The following NRG1 variants were observed in gnomAD, a reference collection of about 807,000 sequenced individuals.
NRG1 encodes the protein neuregulin 1, also known as pro-neuregulin-1, membrane-bound isoform.
NRG1 carries 18 observed loss-of-function variants against 63.8 expected under a neutral mutation model. That is an observed-to-expected ratio of 0.28 (90% CI 0.19 to 0.42). NRG1 has a LOEUF of 0.42. NRG1 is among the 10% of genes least tolerant of loss of function. The pLI is 1.00. For missense variants in NRG1, 762 were observed against 814.7 expected, an observed-to-expected ratio of 0.94 and a Z score of 0.79; for synonymous variants, 302 against 301.3, an observed-to-expected ratio of 1.00 and a Z score of -0.02.
intron 1 of NRG1, among the ~76,000 whole-genome samples, chr8:32,184,733 C>T (rs1055155385): frequency 6.6e-6 from 1 of 152,146 alleles, no homozygotes; most frequent in Non-Finnish European, 1.5e-5. Context: ...ATCATCTATA[C>T]TCTTCTGATT....
chr8:32,528,502 T>A (rs778470422), intron 1 of NRG1, among the ~76,000 whole-genome samples: 7 of 152,242 alleles, frequency 4.6e-5, no homozygotes, highest in Non-Finnish European at 2.9e-5. Context: ...CATATATGTA[T>A]AACAGAAGTT....
At chr8:31,846,045 A>G (rs548591046) in intron 1 of NRG1, among the ~76,000 whole-genome samples, 2 of 152,312 alleles carry the variant, frequency 1.3e-5, no homozygotes, top group Admixed American at 6.5e-5. Context: ...TGAAAGGGCT[A>G]TAAATGTGAG....
At chr8:31,907,562 C>A (rs1832628489) in intron 1 of NRG1, among the ~76,000 whole-genome samples, 1 of 151,984 alleles carries the variant, frequency 6.6e-6, no homozygotes, top group African/African-American at 2.4e-5. Context: ...ATGTAAAACA[C>A]AAAAAACCCT....
At chr8:31,694,117 A>G (rs995711996) in intron 1 of NRG1, among the ~76,000 whole-genome samples, 1 of 152,200 alleles carries the variant, frequency 6.6e-6, no homozygotes, top group African/African-American at 2.4e-5. Context: ...TACTGGGATT[A>G]CAGGTGTAAA....
intron 1 of NRG1, among the ~76,000 whole-genome samples, chr8:32,078,104 G>T (rs932324488): frequency 6.6e-6 from 1 of 152,164 alleles, no homozygotes; most frequent in African/African-American, 2.4e-5. Context: ...GCAAGTGATC[G>T]AGTTTAGATA....
intron 1 of NRG1, among the ~76,000 whole-genome samples, chr8:32,493,975 A>C (rs1287568162): frequency 6.6e-6 from 1 of 152,122 alleles, no homozygotes; most frequent in Admixed American, 6.6e-5. Context: ...GAAAAAGGAA[A>C]CACAAAAATG....
At chr8:32,135,160 G>A (rs1030243640) in intron 1 of NRG1, among the ~76,000 whole-genome samples, 3 of 152,166 alleles carry the variant, frequency 2.0e-5, no homozygotes, top group Non-Finnish European at 2.9e-5. Flanking sequence ...AGATGAGGGT[G>A]AAGAGAGAAC....
chr8:32,236,222 C>T (rs1479227345), intron 1 of NRG1, among the ~76,000 whole-genome samples: 2 of 151,626 alleles, frequency 1.3e-5, no homozygotes, highest in African/African-American at 4.8e-5. Context: ...AAGGTCTTGC[C>T]CCACCCTGCA....
At chr8:32,227,423 T>C (rs74584116) in intron 1 of NRG1, among the ~76,000 whole-genome samples, 1 of 152,194 alleles carries the variant, frequency 6.6e-6, no homozygotes, top group Admixed American at 6.6e-5. Context: ...ACCATGTTTT[T>C]CATGGATTAT....
intron 1 of NRG1, among the ~76,000 whole-genome samples, chr8:32,013,923 G>A (rs1815120818): frequency 6.6e-6 from 1 of 152,142 alleles, no homozygotes; most frequent in African/African-American, 2.4e-5. Context: ...AAGGAAAAAA[G>A]CTGTGTCTTC....
intron 1 of NRG1, among the ~76,000 whole-genome samples, chr8:32,451,522 C>T (rs1055827240): frequency 6.6e-6 from 1 of 152,174 alleles, no homozygotes; most frequent in Non-Finnish European, 1.5e-5. Flanking sequence ...CTGTCATGTT[C>T]TAGCCAGTCT....
chr8:32,063,374 G>T (rs976014753), intron 1 of NRG1: 5 of 152,100 alleles, frequency 3.3e-5, no homozygotes. Flanking sequence ...TTATTTGTCT[G>T]ACCAATGCTT....
intron 1 of NRG1, among the ~76,000 whole-genome samples, chr8:32,203,303 A>G (rs1843685799): frequency 6.7e-6 from 1 of 149,380 alleles, no homozygotes; most frequent in Admixed American, 6.8e-5. Context: ...GAATCTACGG[A>G]GTGTGGAAGT....
At chr8:32,297,091 G>T (rs533097151) in intron 1 of NRG1, among the ~76,000 whole-genome samples, 4 of 152,206 alleles carry the variant, frequency 2.6e-5, no homozygotes, top group African/African-American at 9.6e-5. Context: ...CTCCAGCCTG[G>T]TGACAGAATG....
chr8:32,342,956 G>T (rs1804261393), intron 1 of NRG1, among the ~76,000 whole-genome samples: 1 of 152,162 alleles, frequency 6.6e-6, no homozygotes, highest in Non-Finnish European at 1.5e-5. Flanking sequence ...ATGGGGATGA[G>T]ATCTTTAAGA....
At chr8:32,761,913 C>T (rs1830749793) in intron 11 of NRG1, among the ~76,000 whole-genome samples, 1 of 151,656 alleles carries the variant, frequency 6.6e-6, no homozygotes, top group South Asian at 2.1e-4. Flanking sequence ...GTGGTGCTGC[C>T]CTGTAGTCCC....
In NRG1 at chr8:32,291,716, C is replaced by T. The variant is rs556722376; in HGVS notation, c.38-304112C>T. On this transcript the variant is annotated intron_variant, in intron 1 of 10. Transcript: ENST00000519301. ...CACCACCACTCCCGGCTAATTTGTT[C>T]GTATTTTTAGTAGAAATGGGGTTTC... Among the ~76,000 whole-genome samples, 9 of 151,516 alleles carry T rather than the reference C, an allele frequency of 5.9e-5. 1 individual carries two copies. In the South Asian group the frequency reaches 1.9e-3, roughly 32 times the overall value.
intron 1 of NRG1, among the ~76,000 whole-genome samples, chr8:32,090,300 T>C (rs977386665): frequency 2.0e-5 from 3 of 152,238 alleles, no homozygotes; most frequent in Admixed American, 2.0e-4. Flanking sequence ...AATTTACATC[T>C]AGCTGAAAAT....
rs188172895 is a variant in NRG1, at chr8:32,555,700, T to C, written c.100+6874T>C. Reference sequence around the variant, plus strand: ...GTTAGCCAGGATGGTCTCCATCTCCTGACCTCGTGATCCGCCCGCCTTGGC... The same window carrying C: ...GTTAGCCAGGATGGTCTCCATCTCCCGACCTCGTGATCCGCCCGCCTTGGC... On this transcript the variant is annotated intron_variant, in intron 1 of 11. Coordinates refer to ENST00000356819, the Ensembl canonical transcript of NRG1. Among the ~76,000 whole-genome samples, 118 of 152,286 alleles carry C rather than the reference T, an allele frequency of 7.7e-4. 1 individual carries two copies. Among genetic ancestry groups the C allele is most frequent in the Admixed American group, 3.1e-3 (47 of 15,302 alleles).
Sources: gnomAD v4.1 joint callset for allele counts (sites outside exome capture counted in the v4.1 genomes callset) on GRCh38, gnomAD v4.1.1 for gene constraint, MANE v1.5 for transcripts, NCBI Gene and HGNC (gene_info 2026-07-23, HGNC 2026-07-21) for gene names.